The following PPFIA3 variants were observed in gnomAD, a reference collection of about 807,000 sequenced individuals.
PPFIA3 encodes liprin-alpha-3.
PPFIA3 carries 26 observed loss-of-function variants against 145.8 expected under a neutral mutation model. The ratio of observed to expected loss-of-function variants is 0.18; its 90% CI spans 0.13 to 0.25. The LOEUF (loss-of-function observed/expected upper bound fraction) is 0.25. Ranked by LOEUF, PPFIA3 falls within the 10% of genes least tolerant of loss-of-function variation. The pLI is 1.00. For missense variants in PPFIA3, 1,008 were observed against 1,587.8 expected, an observed-to-expected ratio of 0.63 and a Z score of 6.21; for synonymous variants, 645 against 661.4, an observed-to-expected ratio of 0.98 and a Z score of 0.38.
rs143496485 is a variant in PPFIA3 at position 49,147,686 on chromosome 19, AAGAGAGAGAGAGAG to A, written c.2836-385_2836-372del. 2.0e-3 allele frequency among the ~76,000 whole-genome samples: 286 copies of A among 145,818 alleles called. 3 individuals are homozygous for A. The highest frequency in any genetic ancestry group is 6.9e-3 in the African/African-American group (269 of 38,928). On this transcript the variant is annotated intron_variant, in intron 23 of 29. Transcript: ENST00000334186. Reference sequence around the variant, plus strand: ...GGGTGACATAGCAGACTCTTTCAGAAAGAGAGAGAGAGAGAGAGAGAGAGAAAGAGAGAAAGAAA... The same window carrying A: ...GGGTGACATAGCAGACTCTTTCAGAAAGAGAGAGAGAAAGAGAGAAAGAAA...
chr19:49,145,703 C>T (rs1406902593), intron 21 of PPFIA3: 2 of 559,474 alleles, frequency 3.6e-6, no homozygotes, highest in Non-Finnish European at 6.5e-6. Flanking sequence ...CACAGGGCCA[C>T]ACAGCAAAAT....
rs2041026971 is a variant in PPFIA3 at position 49,128,181 on chromosome 19, G to A, written c.240+68G>A. 6.8e-7 allele frequency: 1 copy of A among 1,465,924 alleles called. No individual in the cohort carries two copies. The highest frequency in any genetic ancestry group is 1.4e-5 in the South Asian group (1 of 74,026). The allele number at this position is 1,465,924 out of a possible 1,614,324, so 90.8% of individuals were successfully genotyped here. On this transcript the variant is annotated intron_variant, in intron 2 of 29. Transcript: ENST00000334186. This position sits in a 1 kb window ranked among gnomAD's most constrained non-coding sequence, Gnocchi z 4.1. ...GGGGGGAAGAAGGCGGTCCGGAAGG[G>A]GCCGGGCTTGGCGCCTGGAAGGGAG...
intron 1 of PPFIA3, among the ~76,000 whole-genome samples, chr19:49,122,364 G>T (rs1568432176): frequency 6.6e-6 from 1 of 152,152 alleles, no homozygotes; most frequent in Non-Finnish European, 1.5e-5. Context: ...TTATAGGCGT[G>T]AGCCACTGTG....
At position 49,128,533 on chromosome 19, in the gene PPFIA3, G is replaced by A; in HGVS notation, c.342+65G>A. On this transcript the variant is annotated intron_variant, in intron 3 of 29. Transcript: ENST00000334186. This position sits in a 1 kb window ranked among gnomAD's most constrained non-coding sequence, Gnocchi z 4.1. ...CCTCGTGGTGTTGAAGTGGGGGGCGGGGCCTCTCAGTGTTGCAGCGTGACC... is the reference window on the plus strand; with the variant it reads ...CCTCGTGGTGTTGAAGTGGGGGGCGAGGCCTCTCAGTGTTGCAGCGTGACC... The A allele has an allele frequency of 7.0e-7, 1 of 1,420,476 alleles. No individual in the cohort carries two copies. Among genetic ancestry groups the A allele is most frequent in the Non-Finnish European group, 9.9e-7 (1 of 1,013,796 alleles). The allele number at this position is 1,420,476 out of a possible 1,614,324, so 88.0% of individuals were successfully genotyped here. A position where few individuals can be genotyped will look rare whatever the true frequency, so the allele number is the denominator to read the frequency against.
At chr19:49,135,597 T>C (rs1319445056) in intron 13 of PPFIA3, among the ~76,000 whole-genome samples, 182 bp from the exon 14 acceptor site, 1 of 151,388 alleles carries the variant, frequency 6.6e-6, no homozygotes, top group Admixed American at 6.6e-5. Flanking sequence ...CTCAAACTCC[T>C]GACCTCAAGT....
In PPFIA3 at chr19:49,149,514, G is replaced by C. The variant is rs1467124858; in HGVS notation, c.3355-33G>C. ...AGGGGCGGAGTCAGACAAGGCAGGA[G>C]TCCCTCACCGGCTGTCCGGCTCCTA... On this transcript the variant is annotated intron_variant, in intron 27 of 29. Coordinates refer to ENST00000334186, the MANE Select transcript of PPFIA3 (RefSeq NM_003660.4). This position sits in a 1 kb window ranked among gnomAD's most constrained non-coding sequence, Gnocchi z 5.7. 4 of 1,613,408 alleles carry C rather than the reference G, an allele frequency of 2.5e-6. No individual in the cohort carries two copies. The highest frequency in any genetic ancestry group is 3.4e-6 in the Non-Finnish European group (4 of 1,179,594).
chr19:49,130,645 C>G lies in PPFIA3; in HGVS notation c.879+46C>G, dbSNP rs750525783. On this transcript the variant is annotated intron_variant, in intron 7 of 29. Coordinates refer to ENST00000334186, the MANE Select transcript of PPFIA3 (RefSeq NM_003660.4). This position sits in a 1 kb window ranked among gnomAD's most constrained non-coding sequence, Gnocchi z 4.5. The stretch of plus-strand genomic sequence containing the variant: ...GGCTGCCCTGGGTCCCTCGCCTTTC[C>G]GTAGAGCTCTCCCTCGCGCATTGCT... 1 of 1,491,162 alleles carries G rather than the reference C, an allele frequency of 6.7e-7. No individual in the cohort carries two copies. Among genetic ancestry groups the G allele is most frequent in the Non-Finnish European group, 9.1e-7 (1 of 1,101,562 alleles). 92.4% of individuals were successfully genotyped at this position (1,491,162 alleles called of 1,614,324 possible). A position where few individuals can be genotyped will look rare whatever the true frequency, so the allele number is the denominator to read the frequency against.
In PPFIA3 at chr19:49,149,284, A is replaced by G; in HGVS notation, c.3313A>G (p.Ser1105Gly). ...CCGGCAGCTTCTGGAGAAGGAATTC[A>G]GCAACCTTATCTCCTTAGGCACAGA... ...QARQLLEKEF[S>G]NLISLGTDRR... The change falls in exon 27 of 30, where the codon AGC (serine) becomes GGC (glycine). Residue 1105 changes from serine to glycine, a missense_variant. Physicochemically the swap from Ser to Gly is moderately conservative, Grantham distance 56. This residue lies in a region of PPFIA3 where 125 missense variants were observed against 159.3 expected (regional missense o/e 0.78). Transcript: ENST00000334186. This position sits in a 1 kb window ranked among gnomAD's most constrained non-coding sequence, Gnocchi z 5.7. 4 of 1,614,154 alleles carry G rather than the reference A, an allele frequency of 2.5e-6. No homozygotes were observed. The highest frequency in any genetic ancestry group is 8.5e-7 in the Non-Finnish European group (1 of 1,180,022).
intron 21 of PPFIA3, among the ~76,000 whole-genome samples, chr19:49,144,713 A>C (rs879580050): frequency 1.4e-4 from 20 of 140,452 alleles, no homozygotes; most frequent in Admixed American, 1.4e-4. Context: ...GAGTGCATCC[A>C]AAAAAAAAAA....
chr19:49,138,094 C>T, intron 15 of PPFIA3, 111 bp from the exon 16 acceptor site: 1 of 1,410,928 alleles, frequency 7.1e-7, no homozygotes, highest in Non-Finnish European at 9.3e-7. Context: ...TTGCACCGTC[C>T]CCAGAATTCC....
At chr19:49,146,487 AGCAG>A in intron 23 of PPFIA3, 1 of 496,426 alleles carries the variant, frequency 2.0e-6, no homozygotes, top group Non-Finnish European at 3.6e-6. Context: ...GGAGAGACTG[AGCAG>A]CCGGTGTCCC....
intron 4 of PPFIA3, 151 bp from the exon 5 acceptor site, chr19:49,129,229 T>A: frequency 1.1e-6 from 1 of 951,198 alleles, no homozygotes. Context: ...TGGGGCAGAT[T>A]GGATAGCTGG....
chr19:49,148,304 C>G (rs751317519), intron 24 of PPFIA3, 46 bp downstream of exon 24: 2 of 1,571,176 alleles, frequency 1.3e-6, no homozygotes, highest in Non-Finnish European at 1.7e-6. Context: ...GGAAGCCCCA[C>G]CCCAGAGAGT....
At chr19:49,146,144 C>T in intron 22 of PPFIA3, 22 bp from the exon 23 acceptor site, 1 of 1,614,186 alleles carries the variant, frequency 6.2e-7, no homozygotes, top group Non-Finnish European at 8.5e-7. Context: ...CCTTCTCTCC[C>T]CTCTTCCTAC....
At position 49,146,095 on chromosome 19, in the gene PPFIA3, C is replaced by G. The variant is rs1035488950; in HGVS notation, c.2809-71C>G. 2.2e-5 allele frequency: 36 copies of G among 1,608,444 alleles called. No individual in the cohort carries two copies. In the East Asian group the frequency reaches 7.1e-4, roughly 32 times the overall value. On this transcript the variant is annotated intron_variant, in intron 22 of 29. Coordinates refer to ENST00000334186, the MANE Select transcript of PPFIA3 (RefSeq NM_003660.4). ...CCGAGTCTGTGGCCATCCCTAAGTCCGCTCCTTGCGTCCTCCTCTGCCTGC... is the reference window on the plus strand; with the variant it reads ...CCGAGTCTGTGGCCATCCCTAAGTCGGCTCCTTGCGTCCTCCTCTGCCTGC...
chr19:49,146,510 AG>A lies in PPFIA3; in HGVS notation c.2835+323del, dbSNP rs1600352118. 4 of 383,840 alleles carry A rather than the reference AG, an allele frequency of 1.0e-5. No individual in the cohort carries two copies. The East Asian group carries it at 1.4e-4, about 14-fold the overall frequency. The allele number at this position is 383,840 out of a possible 1,614,324, so 23.8% of individuals were successfully genotyped here. ...TGAGCAGCCGGTGTCCCTATAGTGG[AG>A]GGGGCGGGGGCTACAGTGGACTGCT... On this transcript the variant is annotated intron_variant, in intron 23 of 29. Transcript: ENST00000334186.
chr19:49,150,103 G>C lies in PPFIA3; in HGVS notation c.3550G>C (p.Ala1184Pro). The change falls in exon 29 of 30, where the codon GCA becomes CCA. Residue 1184 changes from alanine to proline, a missense_variant. Physicochemically the swap from Ala to Pro is conservative, Grantham distance 27. This residue lies in a region of PPFIA3 where 125 missense variants were observed against 159.3 expected (regional missense o/e 0.78). Transcript: ENST00000334186. ...AGGCCAGACTTCTGGGAGTTCCCGG[G>C]CAGACGGCGTTTCGGTCCGGACCTA... The part of the protein sequence containing the change: ...PEGQTSGSSR[A>P]DGVSVRTYSC The C allele has an allele frequency of 6.2e-7, 1 of 1,610,720 alleles. No homozygotes were observed. Among genetic ancestry groups the C allele is most frequent in the Non-Finnish European group, 8.5e-7 (1 of 1,178,854 alleles).
chr19:49,126,557 T>C (rs2041001645), intron 1 of PPFIA3, among the ~76,000 whole-genome samples: 1 of 139,786 alleles, frequency 7.2e-6, no homozygotes, highest in African/African-American at 2.7e-5. Flanking sequence ...AGTCCTGGCC[T>C]TGCTTTTTTT....
Position 49,130,368 on chromosome 19 carries a change from C to G in PPFIA3, c.658-10C>G. ...CTCTGGGATCTTGTCCCCTCCTTCC[C>G]TCACTCCAGACTCTTGCCAATGGCC... On this transcript the variant is annotated splice_polypyrimidine_tract_variant and intron_variant, in intron 6 of 29. Coordinates refer to ENST00000334186, the MANE Select transcript of PPFIA3 (RefSeq NM_003660.4). The surrounding 1 kb of genome is among the most constrained non-coding windows in gnomAD (Gnocchi z 4.5). 1 of 1,588,072 alleles carries G rather than the reference C, an allele frequency of 6.3e-7. No individual in the cohort carries two copies. The highest frequency in any genetic ancestry group is 8.6e-7 in the Non-Finnish European group (1 of 1,165,122).
Sources: gnomAD v4.1 joint callset for allele counts (sites outside exome capture counted in the v4.1 genomes callset) on GRCh38, gnomAD v4.1.1 for gene constraint, gnomAD v4.1.1 regional missense constraint, Gnocchi (gnomAD v3.1) non-coding constraint, MANE v1.5 for transcripts, NCBI Gene and HGNC (gene_info 2026-07-23, HGNC 2026-07-21) for gene names.